The following DSCAML1 variants were observed in gnomAD, a reference collection of about 807,000 sequenced individuals.
The protein encoded by DSCAML1 is DS cell adhesion molecule like 1.
In DSCAML1, 38 loss-of-function variants were observed where a neutral mutation model predicts 200.5. The ratio of observed to expected loss-of-function variants is 0.19; its 90% confidence interval spans 0.15 to 0.25. DSCAML1 has a LOEUF of 0.25. DSCAML1 is among the 10% of genes least tolerant of loss of function. The pLI is 1.00. For missense variants in DSCAML1, 2,223 were observed against 2,858.8 expected (o/e 0.78, Z 5.07); for synonymous variants, 1,215 against 1,165.0 (o/e 1.04, Z -0.87).
At position 117,515,114 on chromosome 11, in the gene DSCAML1, C is replaced by T. The variant is rs552864118; in HGVS notation, c.1783+1353G>A. Among the ~76,000 whole-genome samples, 51 of 152,376 alleles carry T rather than the reference C, an allele frequency of 3.3e-4. 2 individuals carry two copies. The South Asian group carries it at 9.9e-3, about 30-fold the overall frequency. On this transcript the variant is annotated intron_variant, in intron 8 of 32. Coordinates refer to ENST00000651296, the MANE Select transcript of DSCAML1 (RefSeq NM_020693.4). ...GCTGGAGACCCCCAGACCTCCCTTC[C>T]TCCCAGGCGGAGCCCCAGGCTGAGG...
intron 3 of DSCAML1, among the ~76,000 whole-genome samples, chr11:117,712,599 T>C (rs1259919400): frequency 2.0e-5 from 3 of 152,070 alleles, no homozygotes; most frequent in Non-Finnish European, 4.4e-5. Flanking sequence ...GAATGGTATT[T>C]TGTTAGTTTC....
chr11:117,622,271 A>G (rs1365172595), intron 3 of DSCAML1, among the ~76,000 whole-genome samples: 2 of 152,176 alleles, frequency 1.3e-5, no homozygotes, highest in African/African-American at 4.8e-5. Context: ...CTGCTTCACC[A>G]TGGAGACACA....
At chr11:117,554,022 G>A (rs1280187372) in intron 3 of DSCAML1, among the ~76,000 whole-genome samples, 1 of 152,222 alleles carries the variant, frequency 6.6e-6, no homozygotes, top group African/African-American at 2.4e-5. Flanking sequence ...GAACTTTGAG[G>A]ACATTATCCT....
At position 117,769,520 on chromosome 11, in the gene DSCAML1, T is replaced by A. The variant is rs1280318982; in HGVS notation, c.511+7271A>T. On this transcript the variant is annotated intron_variant, in intron 3 of 32. Coordinates refer to ENST00000651296, the MANE Select transcript of DSCAML1 (RefSeq NM_020693.4). ...TATATAATATATATTTTATATATAT[T>A]ATATATATTTTATATATATTATATA... Among the ~76,000 whole-genome samples the A allele has an allele frequency of 3.1e-3, 182 of 58,472 alleles. 14 individuals are homozygous for A. Among genetic ancestry groups the A allele is most frequent in the Middle Eastern group, 6.9e-3 (1 of 144 alleles). 38.4% of individuals were successfully genotyped at this position (58,472 alleles called of 152,430 possible).
In DSCAML1 at chr11:117,503,523, G is replaced by T. The variant is rs1399324925; in HGVS notation, c.2359+322C>A. On this transcript the variant is annotated intron_variant, in intron 11 of 32. Coordinates refer to ENST00000651296, the MANE Select transcript of DSCAML1 (RefSeq NM_020693.4). This position sits in a 1 kb window ranked among gnomAD's most constrained non-coding sequence, Gnocchi z 5.2. ...ATTAAGTAGCAAAAATAAATGGTTT[G>T]ATAGGATTATTCAGATCGAATCGCC... 6.6e-6 allele frequency among the ~76,000 whole-genome samples: 1 copy of T among 152,222 alleles called. No individual in the cohort carries two copies.
rs114021421 is a variant in DSCAML1, at chr11:117,623,797, A to G, written c.512-91275T>C. On this transcript the variant is annotated intron_variant, in intron 3 of 32. Transcript: ENST00000651296. ...TTATTATTGTTAACCTCATCTCCCA[A>G]TAGACGAGGTAGCCCAAGATCACAC... Among the ~76,000 whole-genome samples, 755 of 152,314 alleles carry G rather than the reference A, an allele frequency of 5.0e-3. 6 individuals carry two copies. Among genetic ancestry groups the G allele is most frequent in the African/African-American group, 0.017 (708 of 41,574 alleles).
At chr11:117,470,306 T>C (rs2048658536) in intron 15 of DSCAML1, among the ~76,000 whole-genome samples, 1 of 152,232 alleles carries the variant, frequency 6.6e-6, no homozygotes, top group Non-Finnish European at 1.5e-5. Flanking sequence ...CCGGGCGCGG[T>C]GGCTCACACC....
At chr11:117,538,107 C>A (rs1190909088) in intron 3 of DSCAML1, among the ~76,000 whole-genome samples, 1 of 152,192 alleles carries the variant, frequency 6.6e-6, no homozygotes, top group Non-Finnish European at 1.5e-5. Flanking sequence ...TCAAATGGAA[C>A]TCTGAATCTC....
At chr11:117,587,054 G>C (rs1486162255) in intron 3 of DSCAML1, among the ~76,000 whole-genome samples, 1 of 152,106 alleles carries the variant, frequency 6.6e-6, no homozygotes, top group African/African-American at 2.4e-5. Flanking sequence ...CTTTAGGCAG[G>C]TGGCCACATC....
intron 3 of DSCAML1, among the ~76,000 whole-genome samples, chr11:117,585,506 G>A (rs1054352774): frequency 8.5e-5 from 13 of 152,146 alleles, no homozygotes; most frequent in African/African-American, 1.9e-4. Context: ...CTCGGCCTCC[G>A]AAGTGCTGGG....
chr11:117,714,364 T>G (rs1324468790), intron 3 of DSCAML1, among the ~76,000 whole-genome samples: 1 of 152,192 alleles, frequency 6.6e-6, no homozygotes, highest in African/African-American at 2.4e-5. Context: ...TAACTCTTAA[T>G]CAGGGGCTGA....
At chr11:117,809,910 C>T (rs1379162594) in intron 1 of DSCAML1, among the ~76,000 whole-genome samples, 1 of 145,638 alleles carries the variant, frequency 6.9e-6, no homozygotes, top group African/African-American at 2.5e-5. Flanking sequence ...CACTCACACA[C>T]ACATTCACAC....
intron 3 of DSCAML1, among the ~76,000 whole-genome samples, chr11:117,617,680 G>GCGCACACACACACACACACA (rs1395796967): frequency 2.1e-5 from 3 of 142,910 alleles, no homozygotes; most frequent in African/African-American, 7.9e-5. Flanking sequence ...ACAGGTACAC[G>GCGCACACACACACACACACA]CACACACACA....
rs370976379 is a variant in DSCAML1, at chr11:117,458,794, G to A, written c.3528C>T (p.Gly1176=). The A allele has an allele frequency of 3.1e-6, 5 of 1,613,730 alleles. No individual in the cohort carries two copies. Among genetic ancestry groups the A allele is most frequent in the African/African-American group, 2.7e-5 (2 of 74,894 alleles). ...QVLAYTQAGD[G]VRSSVLYIQT... is the part of the protein sequence containing the mutation. ...GGATGTAGAGCACACTGCTGCGTACGCCGTCCCCAGCCTGGGTGTAGGCCA... is the reference window on the plus strand; with the variant it reads ...GGATGTAGAGCACACTGCTGCGTACACCGTCCCCAGCCTGGGTGTAGGCCA... The change falls in exon 19 of 33, where the codon GGC becomes GGT. Residue 1176 remains glycine (G), a synonymous_variant. Transcript: ENST00000651296.
In DSCAML1 at chr11:117,543,405, A is replaced by ACCTGTGCTGGTGTGTGAC. The variant is rs1398212059; in HGVS notation, c.512-10901_512-10884dup. The stretch of plus-strand genomic sequence containing the variant: ...GTGTATCTGTGCTGGCATGTTGTGT[A>ACCTGTGCTGGTGTGTGAC]CCTGTGCTGGTGTGTGACCCTGTGC... On this transcript the variant is annotated intron_variant, in intron 3 of 32. Coordinates refer to ENST00000651296, the MANE Select transcript of DSCAML1 (RefSeq NM_020693.4). Among the ~76,000 whole-genome samples, 837 of 151,836 alleles carry ACCTGTGCTGGTGTGTGAC rather than the reference A, an allele frequency of 5.5e-3. 11 individuals are homozygous for ACCTGTGCTGGTGTGTGAC. Among genetic ancestry groups the ACCTGTGCTGGTGTGTGAC allele is most frequent in the Admixed American group, 0.032 (487 of 15,236 alleles).
At chr11:117,531,555 C>T (rs1451311205) in intron 4 of DSCAML1, among the ~76,000 whole-genome samples, 2 of 152,028 alleles carry the variant, frequency 1.3e-5, no homozygotes, top group African/African-American at 2.4e-5. Context: ...GCGAGGTGGC[C>T]TATGACAAAA....
chr11:117,429,822 A>T (rs1455256393), intron 32 of DSCAML1, among the ~76,000 whole-genome samples: 1 of 152,164 alleles, frequency 6.6e-6, no homozygotes, highest in Non-Finnish European at 1.5e-5. Flanking sequence ...TTTCTTATTG[A>T]ATCCTCACGA....
At chr11:117,495,062 T>C (rs2049264468) in intron 11 of DSCAML1, among the ~76,000 whole-genome samples, 1 of 152,130 alleles carries the variant, frequency 6.6e-6, no homozygotes, top group Non-Finnish European at 1.5e-5. Flanking sequence ...AGGGATCCAG[T>C]GTGTGATAAG....
chr11:117,700,833 T>C (rs2053654408), intron 3 of DSCAML1, among the ~76,000 whole-genome samples: 1 of 152,170 alleles, frequency 6.6e-6, no homozygotes, highest in Non-Finnish European at 1.5e-5. Context: ...TCTATAATAT[T>C]TTAACAATGC....
Sources: gnomAD v4.1 joint callset for allele counts (sites outside exome capture counted in the v4.1 genomes callset) on GRCh38, gnomAD v4.1.1 for gene constraint, Gnocchi (gnomAD v3.1) non-coding constraint, MANE v1.5 for transcripts, NCBI Gene and HGNC (gene_info 2026-07-23, HGNC 2026-07-21) for gene names.